MYO10: variants seen among roughly 807,000 people sequenced by gnomAD.
The protein encoded by MYO10 is unconventional myosin-X.
MYO10 carries 133 observed loss-of-function variants against 257.3 expected under a neutral mutation model. The observed-to-expected ratio is 0.52, with a 90% CI of 0.45 to 0.60. The LOEUF (loss-of-function observed/expected upper bound fraction) is 0.60, where lower values mean the gene tolerates loss of function less well. Among genes scored for constraint, MYO10 ranks in the 20% least tolerant of loss-of-function variants. MYO10 has a pLI of 0.00. For synonymous variants in MYO10, 1,104 were observed against 1,028.6 expected (o/e 1.07, Z -1.40); for missense variants, 2,399 against 2,635.7 (o/e 0.91, Z 1.97).
At chr5:16,872,621 C>T (rs1744486368) in intron 2 of MYO10, among the ~76,000 whole-genome samples, 1 of 152,060 alleles carries the variant, frequency 6.6e-6, no homozygotes, top group African/African-American at 2.4e-5. Context: ...GGAAAGAATG[C>T]TATATTAGTC....
At chr5:16,703,271 ACT>A in intron 22 of MYO10, 113 bp from the exon 23 acceptor site, 1 of 768,898 alleles carries the variant, frequency 1.3e-6, no homozygotes, top group Non-Finnish European at 2.1e-6. Flanking sequence ...TTAGAATGAG[ACT>A]CTCATTATGG....
At chr5:16,917,844 C>T (rs1262544315) in intron 1 of MYO10, among the ~76,000 whole-genome samples, 3 of 152,068 alleles carry the variant, frequency 2.0e-5, no homozygotes, top group Admixed American at 6.6e-5. Flanking sequence ...CACTGCACTC[C>T]GGCCTAGGCA....
intron 2 of MYO10, among the ~76,000 whole-genome samples, chr5:16,863,054 G>A (rs1428471953): frequency 6.6e-6 from 1 of 152,166 alleles, no homozygotes; most frequent in Non-Finnish European, 1.5e-5. Flanking sequence ...GGGAAGAAGA[G>A]GTGTAGTCTA....
At chr5:16,738,475 G>A in intron 19 of MYO10, 2 of 924,978 alleles carry the variant, frequency 2.2e-6, no homozygotes, top group Non-Finnish European at 2.6e-6. Flanking sequence ...TGCTCAAGGT[G>A]AGGGAGCCCA....
chr5:16,693,954 C>A (rs552178913), intron 27 of MYO10, among the ~76,000 whole-genome samples: 1 of 152,142 alleles, frequency 6.6e-6, no homozygotes. Flanking sequence ...TGATTTATTT[C>A]GGAAAACTCC....
At chr5:16,769,375 C>T (rs549921431) in intron 9 of MYO10, among the ~76,000 whole-genome samples, 172 bp from the exon 10 acceptor site, 158 of 152,194 alleles carry the variant, frequency 1.0e-3, no homozygotes, top group Admixed American at 1.8e-3. Flanking sequence ...CGTTCTGTCA[C>T]CCAAGCTGGA....
intron 19 of MYO10, among the ~76,000 whole-genome samples, chr5:16,734,344 C>T (rs569063433): frequency 2.0e-5 from 3 of 152,310 alleles, no homozygotes; most frequent in Non-Finnish European, 2.9e-5. Context: ...ATATTCCCCA[C>T]GCCTACCCCA....
chr5:16,856,197 T>G (rs1376964722), intron 2 of MYO10, among the ~76,000 whole-genome samples: 1 of 152,246 alleles, frequency 6.6e-6, no homozygotes, highest in Non-Finnish European at 1.5e-5. Flanking sequence ...CAGCTTGTAC[T>G]GCAGCCGTCT....
intron 22 of MYO10, among the ~76,000 whole-genome samples, chr5:16,704,326 A>C (rs568213544): frequency 1.3e-5 from 2 of 152,208 alleles, no homozygotes; most frequent in South Asian, 4.2e-4. Flanking sequence ...CCCTGCCTCA[A>C]ATAAATAAAT....
At chr5:16,868,696 G>A (rs1309737317) in intron 2 of MYO10, among the ~76,000 whole-genome samples, 4 of 152,118 alleles carry the variant, frequency 2.6e-5, no homozygotes, top group South Asian at 2.1e-4. Context: ...GATATGTGCT[G>A]ACCCGCCTGT....
At chr5:16,859,460 G>T (rs1266180923) in intron 2 of MYO10, among the ~76,000 whole-genome samples, 1 of 152,132 alleles carries the variant, frequency 6.6e-6, no homozygotes, top group Non-Finnish European at 1.5e-5. Context: ...TTCAACATAG[G>T]AAGTTTGGGG....
intron 19 of MYO10, among the ~76,000 whole-genome samples, chr5:16,717,901 G>C (rs1738943748): frequency 6.6e-6 from 1 of 152,322 alleles, no homozygotes; most frequent in Admixed American, 6.5e-5. Context: ...GCCCCTTTCT[G>C]GTCTGGCCAA....
chr5:16,818,327 C>T (rs1368750451), intron 2 of MYO10, among the ~76,000 whole-genome samples, 160 bp from the exon 3 acceptor site: 2 of 150,560 alleles, frequency 1.3e-5, no homozygotes, highest in Non-Finnish European at 3.0e-5. Context: ...CATTTTATGT[C>T]ACCTATCTCT....
At chr5:16,830,005 C>T (rs891217222) in intron 2 of MYO10, among the ~76,000 whole-genome samples, 2 of 152,022 alleles carry the variant, frequency 1.3e-5, no homozygotes, top group Non-Finnish European at 2.9e-5. Flanking sequence ...TTTGAGAGGC[C>T]GAGGCAGGCG....
chr5:16,678,934 G>A (rs553980471), intron 33 of MYO10, among the ~76,000 whole-genome samples: 4 of 152,336 alleles, frequency 2.6e-5, no homozygotes, highest in East Asian at 1.9e-4. Flanking sequence ...GACCGGCTAC[G>A]TGGGCAGTGC....
chr5:16,688,407 G>C (rs1737344038), intron 28 of MYO10, among the ~76,000 whole-genome samples: 1 of 152,144 alleles, frequency 6.6e-6, no homozygotes, highest in Non-Finnish European at 1.5e-5. Context: ...TTGGGGCTGA[G>C]AATTGAAGAA....
intron 19 of MYO10, among the ~76,000 whole-genome samples, chr5:16,717,739 CGG>C (rs34159413): frequency 1.3e-5 from 2 of 152,070 alleles, no homozygotes; most frequent in African/African-American, 4.8e-5. Flanking sequence ...CTTTGACCCA[CGG>C]GGATTTAACT....
chr5:16,869,231 A>G (rs569871434), intron 2 of MYO10, among the ~76,000 whole-genome samples: 89 of 148,584 alleles, frequency 6.0e-4, no homozygotes, highest in South Asian at 1.3e-3. Context: ...AGTAGAGACA[A>G]GGTTTCAGCA....
chr5:16,823,968 G>A (rs182400482), intron 2 of MYO10, among the ~76,000 whole-genome samples: 371 of 152,230 alleles, frequency 2.4e-3, no homozygotes, highest in Non-Finnish European at 3.6e-3. Flanking sequence ...AATCCACTTG[G>A]ATAAAATGAT....
Sources: gnomAD v4.1 joint callset for allele counts (sites outside exome capture counted in the v4.1 genomes callset) on GRCh38, gnomAD v4.1.1 for gene constraint, MANE v1.5 for transcripts, NCBI Gene and HGNC (gene_info 2026-07-23, HGNC 2026-07-21) for gene names.